Variants in TSHZ2 observed in about 807,000 individuals in gnomAD.
The protein encoded by TSHZ2 is teashirt homolog 2.
A neutral mutation model predicts 74.4 loss-of-function variants in TSHZ2; 21 were observed. That is an observed-to-expected ratio of 0.28 (90% CI 0.20 to 0.41). The LOEUF (loss-of-function observed/expected upper bound fraction) is 0.41. Ranked by LOEUF, TSHZ2 falls within the 10% of genes least tolerant of loss-of-function variation. TSHZ2 has a pLI of 1.00. For synonymous variants in TSHZ2, 540 were observed against 515.3 expected, an observed-to-expected ratio of 1.05 and a Z score of -0.65; for missense variants, 1,244 against 1,293.5, an observed-to-expected ratio of 0.96 and a Z score of 0.59.
At chr20:53,080,759 G>A (rs1264791712) in intron 1 of TSHZ2, among the ~76,000 whole-genome samples, 5 of 152,116 alleles carry the variant, frequency 3.3e-5, no homozygotes, top group East Asian at 3.9e-4. Context: ...AACAGGCCAC[G>A]GACCTGTACC....
intron 2 of TSHZ2, among the ~76,000 whole-genome samples, chr20:53,436,536 A>ATTTTTTTTCTTTTTTTTTTTTT (rs71194478): frequency 1.2e-5 from 1 of 83,564 alleles, no homozygotes; most frequent in Non-Finnish European, 2.3e-5. Flanking sequence ...TATTATTATT[A>ATTTTTTTTCTTTTTTTTTTTTT]TTATTATTAT....
intron 2 of TSHZ2, among the ~76,000 whole-genome samples, chr20:53,320,317 T>G (rs1979205795): frequency 6.6e-6 from 1 of 152,040 alleles, no homozygotes; most frequent in South Asian, 2.1e-4. Flanking sequence ...AGCTAGGAGG[T>G]GCATCTGAAC....
intron 1 of TSHZ2, among the ~76,000 whole-genome samples, chr20:53,170,965 A>AC (rs950820631): frequency 3.2e-4 from 49 of 151,852 alleles, no homozygotes; most frequent in Non-Finnish European, 5.9e-4. Context: ...AAAAAAAAAA[A>AC]ACACAAAAAG....
At chr20:53,441,812 C>A (rs934426586) in intron 2 of TSHZ2, among the ~76,000 whole-genome samples, 3 of 151,646 alleles carry the variant, frequency 2.0e-5, no homozygotes, top group Admixed American at 2.0e-4. Context: ...GAACTCCTGA[C>A]CTCAAATGAT....
intron 1 of TSHZ2, among the ~76,000 whole-genome samples, chr20:53,242,792 A>C (rs1990103383): frequency 6.6e-6 from 1 of 152,216 alleles, no homozygotes; most frequent in South Asian, 2.1e-4. Flanking sequence ...AGAAAAGCAT[A>C]CTTCACTGAT....
At chr20:53,302,391 C>T (rs1380370518) in intron 2 of TSHZ2, among the ~76,000 whole-genome samples, 1 of 152,122 alleles carries the variant, frequency 6.6e-6, no homozygotes, top group Admixed American at 6.5e-5. Flanking sequence ...ATCTGGATTT[C>T]ATCGAACCTT....
rs1459036771 is a variant in TSHZ2, at chr20:53,253,767, C to T, written c.309C>T (p.Ala103=). The T allele has an allele frequency of 1.9e-6, 3 of 1,614,174 alleles. No homozygotes were observed. Among genetic ancestry groups the T allele is most frequent in the South Asian group, 2.2e-5 (2 of 91,082 alleles). ...TCAAGAGTGTCTGCGGCAGAGATGC[C>T]TCAGACAAGAAAGCACACACTCACG... ...SDIKSVCGRD[A]SDKKAHTHVR... The change falls in exon 2 of 3, where the codon GCC becomes GCT. Residue 103 remains alanine (A), a synonymous_variant. Transcript: ENST00000371497.
intron 1 of TSHZ2, among the ~76,000 whole-genome samples, chr20:53,212,369 T>A (rs1989332052): frequency 6.6e-6 from 1 of 152,234 alleles, no homozygotes; most frequent in Non-Finnish European, 1.5e-5. Flanking sequence ...TAGAGTAGGT[T>A]CCCGCTAATG....
intron 2 of TSHZ2, among the ~76,000 whole-genome samples, chr20:53,428,144 A>T (rs2145727785): frequency 6.6e-6 from 1 of 152,328 alleles, no homozygotes; most frequent in East Asian, 1.9e-4. Context: ...CATGATGTGG[A>T]GGAGAAGTAT....
At chr20:53,157,460 G>A (rs952522968) in intron 1 of TSHZ2, among the ~76,000 whole-genome samples, 1 of 147,538 alleles carries the variant, frequency 6.8e-6, no homozygotes, top group Non-Finnish European at 1.5e-5. Context: ...AGGCTGGAGT[G>A]CAGTGGCATG....
intron 1 of TSHZ2, among the ~76,000 whole-genome samples, chr20:53,147,231 C>A (rs1987563547): frequency 6.6e-6 from 1 of 152,158 alleles, no homozygotes; most frequent in African/African-American, 2.4e-5. Context: ...TAACTTTGAT[C>A]TCTTTTAGTG....
chr20:53,241,575 A>T (rs1204267668), intron 1 of TSHZ2, among the ~76,000 whole-genome samples: 7 of 152,106 alleles, frequency 4.6e-5, no homozygotes, highest in Non-Finnish European at 8.8e-5. Flanking sequence ...TTTCAGCCAA[A>T]ACTTGAAAAA....
chr20:53,479,039 C>T (rs1439668095), intron 2 of TSHZ2, among the ~76,000 whole-genome samples: 2 of 152,034 alleles, frequency 1.3e-5, no homozygotes, highest in Non-Finnish European at 2.9e-5. Context: ...GTGGCGCATG[C>T]CTGTAATCCC....
intron 1 of TSHZ2, among the ~76,000 whole-genome samples, chr20:53,038,317 T>C (rs1983903046): frequency 6.6e-6 from 1 of 151,020 alleles, no homozygotes; most frequent in South Asian, 2.1e-4. Flanking sequence ...CAATAAGCCT[T>C]TGGGTTTGAG....
At position 53,463,429 on chromosome 20, in the gene TSHZ2, AGGAAGGAG is replaced by A. The variant is rs1253218654; in HGVS notation, c.*9-23711_*9-23704del. On this transcript the variant is annotated intron_variant, in intron 2 of 2. Coordinates refer to ENST00000371497, the MANE Select transcript of TSHZ2 (RefSeq NM_173485.6). ...AAGGAAGGAAGGAAGGAAGGAAGGA[AGGAAGGAG>A]GGAGGGAGGGAAGGAAGGAAGGAAG... is the stretch of plus-strand genomic sequence containing the variant. Among the ~76,000 whole-genome samples the A allele has an allele frequency of 1.6e-4, 19 of 115,258 alleles. 1 individual carries two copies. In the East Asian group the frequency reaches 3.8e-3, roughly 23 times the overall value. The allele number at this position is 115,258 out of a possible 152,430, so 75.6% of individuals were successfully genotyped here. A position where few individuals can be genotyped will look rare whatever the true frequency, so the allele number is the denominator to read the frequency against.
At chr20:52,975,458 G>T (rs1981296544) in intron 1 of TSHZ2, among the ~76,000 whole-genome samples, 1 of 151,894 alleles carries the variant, frequency 6.6e-6, no homozygotes, top group Non-Finnish European at 1.5e-5. Flanking sequence ...TTTAAATCAG[G>T]TCCTTTTCAT....
intron 1 of TSHZ2, among the ~76,000 whole-genome samples, chr20:53,183,982 C>T (rs1188231687): frequency 6.6e-6 from 1 of 152,180 alleles, no homozygotes; most frequent in Admixed American, 6.5e-5. Context: ...TCCTGCCTGG[C>T]AGCACCATTG....
At chr20:52,992,736 T>C (rs1193826854) in intron 1 of TSHZ2, among the ~76,000 whole-genome samples, 1 of 152,156 alleles carries the variant, frequency 6.6e-6, no homozygotes, top group Non-Finnish European at 1.5e-5. Flanking sequence ...ACCAACAGAA[T>C]TGTGTTGCTG....
At chr20:53,454,399 T>TAAAA (rs1414725159) in intron 2 of TSHZ2, among the ~76,000 whole-genome samples, 1 of 151,832 alleles carries the variant, frequency 6.6e-6, no homozygotes. Flanking sequence ...CCATCTTTAC[T>TAAAA]AAAAATACAA....
Sources: gnomAD v4.1 joint callset for allele counts (sites outside exome capture counted in the v4.1 genomes callset) on GRCh38, gnomAD v4.1.1 for gene constraint, MANE v1.5 for transcripts, NCBI Gene and HGNC (gene_info 2026-07-23, HGNC 2026-07-21) for gene names.